Variants in KLRG2 observed in about 807,000 individuals in gnomAD.
KLRG2 encodes killer cell lectin-like receptor subfamily G member 2.
Under a neutral mutation model 35.4 loss-of-function variants are expected in KLRG2, and 39 were observed. The ratio of observed to expected loss-of-function variants is 1.10; its 90% CI spans 0.85 to 1.44. The LOEUF is 1.44. KLRG2 is among the 40% of genes most tolerant of loss of function. The pLI, the probability that KLRG2 is intolerant of heterozygous loss-of-function variation, is 0.00. For missense variants in KLRG2, 632 were observed against 570.9 expected (o/e 1.11, Z -1.09); for synonymous variants, 283 against 265.8 (o/e 1.06, Z -0.63).
chr7:139,448,279 A>C (rs999782840), downstream of KLRG2, among the ~76,000 whole-genome samples: 3 of 152,094 alleles, frequency 2.0e-5, no homozygotes, highest in Admixed American at 1.3e-4. Flanking sequence ...TACAGGTGTG[A>C]GCCACCACAC....
At chr7:139,479,920 C>CA in intron 2 of KLRG2, 148 bp from the exon 3 acceptor site, 1 of 956,668 alleles carries the variant, frequency 1.0e-6, no homozygotes, top group Non-Finnish European at 1.5e-6. Context: ...GTGCAGTGCA[C>CA]AAAGTCCCCG....
At position 139,483,634 on chromosome 7, in the gene KLRG2, C is replaced by T; in HGVS notation, c.9G>A (p.Glu3=). 1 of 1,532,376 alleles carries T rather than the reference C, an allele frequency of 6.5e-7. No homozygotes were observed. Among genetic ancestry groups the T allele is most frequent in the Non-Finnish European group, 8.7e-7 (1 of 1,148,836 alleles). 94.9% of individuals were successfully genotyped at this position (1,532,376 alleles called of 1,614,324 possible). Residue 3 remains glutamate, a synonymous_variant, in exon 1 of 5, where the codon GAG becomes GAA. Transcript: ENST00000340940. ME[E]SWEAAPGGQA... The stretch of plus-strand genomic sequence containing the variant: ...GGCCTCCGGGCGCAGCCTCCCAAGA[C>T]TCCTCCATCCCGCGCGCCCCGCCAC...
chr7:139,439,199 C>G, the KLRG2 span, among the ~76,000 whole-genome samples: 1 of 152,156 alleles, frequency 6.6e-6, no homozygotes, highest in Non-Finnish European at 1.5e-5. Context: ...TACTGTGTGC[C>G]CATACAACAG....
In KLRG2 at chr7:139,453,723, A is replaced by AC; in HGVS notation, c.1110-17_1110-16insG. The stretch of plus-strand genomic sequence containing the variant: ...CTCAGGGAGTCTGGGAAAGGATGGG[A>AC]GGGGAAAGAGGAGAGGTGTTTAGGG... On this transcript the variant is annotated splice_polypyrimidine_tract_variant and intron_variant, in intron 4 of 4. Transcript: ENST00000340940. The AC allele has an allele frequency of 6.2e-7, 1 of 1,613,616 alleles. No homozygotes were observed. The highest frequency in any genetic ancestry group is 8.5e-7 in the Non-Finnish European group (1 of 1,179,826).
the KLRG2 span, among the ~76,000 whole-genome samples, chr7:139,443,201 T>C: frequency 2.7e-5 from 4 of 147,980 alleles, no homozygotes; most frequent in Admixed American, 2.0e-4. Context: ...TTCAAGGGAT[T>C]CTCCTGCCTC....
intron 3 of KLRG2, among the ~76,000 whole-genome samples, chr7:139,461,759 G>A (rs72485644): frequency 1.3e-5 from 2 of 151,470 alleles, no homozygotes; most frequent in Admixed American, 6.6e-5. Flanking sequence ...ATCTCCCTTC[G>A]CTGACTCTTT....
the KLRG2 span, among the ~76,000 whole-genome samples, chr7:139,438,675 C>T: frequency 7.9e-6 from 1 of 126,720 alleles, no homozygotes; most frequent in East Asian, 2.0e-4. Context: ...AACATTTTGG[C>T]AATTTTTTTT....
intron 3 of KLRG2, among the ~76,000 whole-genome samples, chr7:139,462,503 G>A (rs1235765896): frequency 1.8e-4 from 27 of 151,894 alleles, no homozygotes; most frequent in Non-Finnish European, 1.5e-5. Context: ...TTCACTATAG[G>A]CAAACTTCCA....
chr7:139,435,065 T>C, the KLRG2 span, among the ~76,000 whole-genome samples: 4 of 152,166 alleles, frequency 2.6e-5, no homozygotes, highest in Admixed American at 6.5e-5. Flanking sequence ...TAGTTTAGAT[T>C]AACCCCAGGA....
intron 3 of KLRG2, among the ~76,000 whole-genome samples, chr7:139,462,882 C>A (rs566887620): frequency 4.6e-4 from 70 of 152,282 alleles, no homozygotes; most frequent in African/African-American, 1.6e-3. Context: ...TTCCAATCTT[C>A]CTTTTCTACA....
At chr7:139,465,409 G>C (rs1796634368) in intron 3 of KLRG2, among the ~76,000 whole-genome samples, 1 of 152,136 alleles carries the variant, frequency 6.6e-6, no homozygotes, top group Admixed American at 6.6e-5. Flanking sequence ...GGAGGCTAGA[G>C]TCACCGGGCG....
rs746562564 is a variant in KLRG2 at position 139,483,446 on chromosome 7, C to T, written c.197G>A (p.Ser66Asn). 2.5e-6 allele frequency: 4 copies of T among 1,576,706 alleles called. No homozygotes were observed. In the South Asian group the frequency reaches 3.4e-5, roughly 13 times the overall value. ...KAAGAGLEPS[S>N]KKKPPSPRPG... is the part of the protein sequence containing the mutation. ...GCGAGGCGAAGGCGGCTTTTTCTTGCTCGAGGGCTCCAGGCCTGCGCCCGC... is the reference window on the plus strand; with the variant it reads ...GCGAGGCGAAGGCGGCTTTTTCTTGTTCGAGGGCTCCAGGCCTGCGCCCGC... Residue 66 changes from serine to asparagine, a missense_variant, in exon 1 of 5, where the codon AGC becomes AAC. Ser to Asn is a conservative substitution (Grantham distance 46). Transcript: ENST00000340940.
At chr7:139,454,619 C>T (rs768594044) in intron 3 of KLRG2, among the ~76,000 whole-genome samples, 4 of 151,278 alleles carry the variant, frequency 2.6e-5, no homozygotes, top group East Asian at 3.9e-4. Context: ...AGTTCGAGAC[C>T]GGCCTGTCCA....
chr7:139,438,552 C>G, the KLRG2 span, among the ~76,000 whole-genome samples: 1 of 152,138 alleles, frequency 6.6e-6, no homozygotes, highest in East Asian at 1.9e-4. Context: ...CACCATACAC[C>G]GATCGGTAGG....
At chr7:139,477,048 G>A (rs539149971) in intron 3 of KLRG2, among the ~76,000 whole-genome samples, 3 of 152,166 alleles carry the variant, frequency 2.0e-5, no homozygotes, top group East Asian at 1.9e-4. Flanking sequence ...GGAGTGCTGC[G>A]TTTTCATACA....
At chr7:139,474,538 C>T (rs1399182034) in intron 3 of KLRG2, among the ~76,000 whole-genome samples, 2 of 151,862 alleles carry the variant, frequency 1.3e-5, no homozygotes, top group Non-Finnish European at 2.9e-5. Flanking sequence ...GCAGGTGGAT[C>T]ATTTGAGGTC....
chr7:139,463,379 A>G (rs994118064), intron 3 of KLRG2, among the ~76,000 whole-genome samples: 3 of 152,236 alleles, frequency 2.0e-5, no homozygotes, highest in Admixed American at 1.3e-4. Flanking sequence ...TTCAAGGTGT[A>G]CAATAATAGA....
chr7:139,470,841 C>CTT lies in KLRG2; in HGVS notation c.1005+8784_1005+8785dup, dbSNP rs879394340. Among the ~76,000 whole-genome samples, 394 of 141,844 alleles carry CTT rather than the reference C, an allele frequency of 2.8e-3. 4 individuals are homozygous for CTT. The highest frequency in any genetic ancestry group is 9.3e-3 in the African/African-American group (363 of 38,882). 93.1% of individuals were successfully genotyped at this position (141,844 alleles called of 152,430 possible). A position where few individuals can be genotyped will look rare whatever the true frequency, so the allele number is the denominator to read the frequency against. ...AACCAGATTAGGAAACAGCACATTCCTTTTTTTTTTTTTTAATTTGAGACA... is the reference window on the plus strand; with the variant it reads ...AACCAGATTAGGAAACAGCACATTCCTTTTTTTTTTTTTTTTAATTTGAGACA... On this transcript the variant is annotated intron_variant, in intron 3 of 4. Coordinates refer to ENST00000340940, the MANE Select transcript of KLRG2 (RefSeq NM_198508.4).
intron 3 of KLRG2, among the ~76,000 whole-genome samples, chr7:139,458,755 G>A (rs552500229): frequency 6.6e-6 from 1 of 152,300 alleles, no homozygotes; most frequent in African/African-American, 2.4e-5. Context: ...CCTCCACTCT[G>A]CAAAGCAAAG....
Sources: allele counts gnomAD v4.1 joint callset (sites outside exome capture counted in the v4.1 genomes callset), GRCh38; gene constraint gnomAD v4.1.1; transcripts MANE v1.5; gene names NCBI Gene and HGNC (gene_info 2026-07-23, HGNC 2026-07-21).